SMYD3: variants seen among roughly 807,000 people sequenced by gnomAD.
SMYD3 encodes the protein SET and MYND domain containing 3.
SMYD3 carries 36 observed loss-of-function variants against 57.7 expected under a neutral mutation model. That is an observed-to-expected ratio of 0.62 (90% CI 0.48 to 0.82). SMYD3 has a LOEUF of 0.82. SMYD3 is among the 40% of genes least tolerant of loss of function. The probability of loss-of-function intolerance (pLI) is 0.00; values close to 1 mark genes in which losing one functional copy is unlikely to be tolerated. For missense variants in SMYD3, 515 were observed against 538.8 expected (o/e 0.96, Z 0.44); for synonymous variants, 211 against 195.0 (o/e 1.08, Z -0.68).
At chr1:246,107,460 C>G (rs1463782064) in intron 5 of SMYD3, among the ~76,000 whole-genome samples, 1 of 152,064 alleles carries the variant, frequency 6.6e-6, no homozygotes, top group African/African-American at 2.4e-5. Context: ...AATTTAATCA[C>G]AGAAAAGACT....
chr1:246,115,114 G>T (rs1558241651), intron 5 of SMYD3, among the ~76,000 whole-genome samples: 1 of 152,132 alleles, frequency 6.6e-6, no homozygotes, highest in Non-Finnish European at 1.5e-5. Flanking sequence ...CAGAATACCA[G>T]AGAGGAAAGA....
intron 5 of SMYD3, among the ~76,000 whole-genome samples, chr1:246,129,256 G>A (rs1318907636): frequency 1.3e-5 from 2 of 152,104 alleles, no homozygotes; most frequent in Non-Finnish European, 2.9e-5. Flanking sequence ...TAAAAATAAT[G>A]TCTTAATGCA....
At chr1:246,437,331 T>A (rs12046729) in intron 1 of SMYD3, among the ~76,000 whole-genome samples, 142,601 of 152,256 alleles carry the variant, frequency 0.94, 66,819 homozygotes, top group East Asian at 1. Context: ...GTTCCCAGGG[T>A]CTTCACACTT....
intron 5 of SMYD3, among the ~76,000 whole-genome samples, chr1:246,057,224 G>A (rs759603172): frequency 3.3e-5 from 5 of 152,140 alleles, no homozygotes; most frequent in Non-Finnish European, 7.4e-5. Flanking sequence ...AGAGGCATAC[G>A]AAATTCTCAA....
intron 5 of SMYD3, among the ~76,000 whole-genome samples, chr1:246,170,813 A>ATACT (rs1246304920): frequency 6.6e-6 from 1 of 152,186 alleles, no homozygotes; most frequent in Non-Finnish European, 1.5e-5. Flanking sequence ...ATCTACAAAC[A>ATACT]TACTATGTCT....
chr1:245,806,872 TGCAG>T (rs2048190462), intron 10 of SMYD3, among the ~76,000 whole-genome samples: 1 of 120,172 alleles, frequency 8.3e-6, no homozygotes, highest in Non-Finnish European at 1.6e-5. Flanking sequence ...ATCGCGCCAC[TGCAG>T]TCCGCAATCC....
intron 5 of SMYD3, chr1:245,956,024 A>C (rs929879263): frequency 7.1e-6 from 7 of 985,302 alleles, no homozygotes; most frequent in African/African-American, 5.2e-5. Context: ...TTGTAAATGC[A>C]AAAAATTACA....
At chr1:245,935,281 A>G (rs1365732476) in intron 5 of SMYD3, among the ~76,000 whole-genome samples, 1 of 152,228 alleles carries the variant, frequency 6.6e-6, no homozygotes, top group Non-Finnish European at 1.5e-5. Context: ...AGACATATAA[A>G]TGGTCAAAAG....
intron 1 of SMYD3, 76 bp downstream of exon 1, chr1:246,506,978 G>C: frequency 7.7e-6 from 9 of 1,174,476 alleles, no homozygotes; most frequent in East Asian, 3.5e-5. Flanking sequence ...CGCGGCTGCC[G>C]GCCGCCCGAC....
At chr1:245,799,126 A>G (rs1396962822) in intron 10 of SMYD3, among the ~76,000 whole-genome samples, 1 of 152,232 alleles carries the variant, frequency 6.6e-6, no homozygotes, top group Non-Finnish European at 1.5e-5. Flanking sequence ...AATCAGAGCT[A>G]TAGGTGACAG....
intron 8 of SMYD3, among the ~76,000 whole-genome samples, chr1:245,906,203 G>C (rs2054552991): frequency 1.3e-5 from 2 of 152,124 alleles, no homozygotes; most frequent in Admixed American, 6.5e-5. Context: ...AAAGCGAAGA[G>C]ACAACCCATG....
chr1:245,858,696 C>T (rs770821046), intron 9 of SMYD3, 26 bp from the exon 10 acceptor site: 4 of 1,598,082 alleles, frequency 2.5e-6, no homozygotes, highest in Non-Finnish European at 3.4e-6. Context: ...GTTAAGGATT[C>T]ATTGTCTTCA....
chr1:246,415,437 C>T (rs1319581468), intron 1 of SMYD3, among the ~76,000 whole-genome samples: 2 of 152,162 alleles, frequency 1.3e-5, no homozygotes, highest in African/African-American at 4.8e-5. Context: ...TATTTTTAAT[C>T]CTCACAACAA....
At chr1:245,907,738 C>T (rs1246573788) in intron 8 of SMYD3, among the ~76,000 whole-genome samples, 7 of 152,100 alleles carry the variant, frequency 4.6e-5, no homozygotes, top group Admixed American at 4.6e-4. Flanking sequence ...GGTTTAAATT[C>T]CCCCAATTAA....
intron 5 of SMYD3, among the ~76,000 whole-genome samples, chr1:246,119,692 C>A (rs1435559018): frequency 1.3e-5 from 2 of 152,162 alleles, no homozygotes; most frequent in African/African-American, 4.8e-5. Context: ...CCATTACAGG[C>A]ATAAGCCACC....
rs916340230 is a variant in SMYD3, at chr1:245,899,650, T to C, written c.813+15880A>G. ...TAATGGTCAATGTTATATGTTAACT[T>C]GAGTGGGCCACAGGGTGCCCAGATA... On this transcript the variant is annotated intron_variant, in intron 8 of 11. Transcript: ENST00000490107. Among the ~76,000 whole-genome samples the C allele has an allele frequency of 1.1e-4, 16 of 152,318 alleles. No individual in the cohort carries two copies. In the South Asian group the frequency reaches 1.2e-3, roughly 12 times the overall value.
At chr1:245,941,431 C>G (rs759437890) in intron 5 of SMYD3, among the ~76,000 whole-genome samples, 1 of 152,086 alleles carries the variant, frequency 6.6e-6, no homozygotes, top group African/African-American at 2.4e-5. Flanking sequence ...GGCCAGGTCA[C>G]GTACAAAGGG....
At chr1:246,095,934 A>G (rs1242715842) in intron 5 of SMYD3, among the ~76,000 whole-genome samples, 3 of 152,182 alleles carry the variant, frequency 2.0e-5, no homozygotes, top group Admixed American at 6.5e-5. Context: ...TTCAACTCCT[A>G]TTTTTCATAG....
At chr1:245,798,929 A>G (rs2047722859) in intron 10 of SMYD3, among the ~76,000 whole-genome samples, 1 of 151,994 alleles carries the variant, frequency 6.6e-6, no homozygotes, top group African/African-American at 2.4e-5. Flanking sequence ...CCTGCTTCCA[A>G]CTGGACTCAC....
Sources: allele counts gnomAD v4.1 joint callset (sites outside exome capture counted in the v4.1 genomes callset), GRCh38; gene constraint gnomAD v4.1.1; transcripts MANE v1.5; gene names NCBI Gene and HGNC (gene_info 2026-07-23, HGNC 2026-07-21).